Variants in MAGI1 observed in about 807,000 individuals in gnomAD.
MAGI1 encodes the protein membrane-associated guanylate kinase, WW and PDZ domain-containing protein 1.
Under a neutral mutation model 139.9 loss-of-function variants are expected in MAGI1, and 58 were observed. The observed-to-expected ratio is 0.41, with a 90% CI of 0.34 to 0.52. The LOEUF is 0.52. Ranked by LOEUF, MAGI1 falls within the 20% of genes least tolerant of loss-of-function variation. MAGI1 has a pLI of 0.12. For synonymous variants in MAGI1, 812 were observed against 737.9 expected (o/e 1.10, Z -1.63); for missense variants, 1,874 against 1,901.6 (o/e 0.99, Z 0.27).
At chr3:65,798,694 T>TC (rs894035264) in intron 1 of MAGI1, among the ~76,000 whole-genome samples, 1 of 152,012 alleles carries the variant, frequency 6.6e-6, no homozygotes, top group African/African-American at 2.4e-5. Context: ...GCTACAGTAG[T>TC]CCCCCCATTA....
In MAGI1 at chr3:65,356,831, C is replaced by T. The variant is rs1254910052; in HGVS notation, c.3936G>A (p.Ala1312=). 1.2e-6 allele frequency: 2 copies of T among 1,612,020 alleles called. No individual in the cohort carries two copies. The highest frequency in any genetic ancestry group is 1.7e-6 in the Non-Finnish European group (2 of 1,178,768). Residue 1312 remains alanine (A), a synonymous_variant, in exon 23 of 23, where the codon GCG becomes GCA. Transcript: ENST00000402939. The part of the protein sequence containing the change: ...EGRRDAQAER[A]AAANGPKRRS... ...GCCTCTTGGGGCCGTTGGCGGCTGC[C>T]GCGCGCTCGGCCTGCGCGTCCCTCC...
intron 5 of MAGI1, among the ~76,000 whole-genome samples, chr3:65,454,454 C>A (rs62255272): frequency 1.3e-4 from 19 of 150,190 alleles, no homozygotes; most frequent in Non-Finnish European, 2.7e-4. Context: ...GTGGGTGCAG[C>A]GCACCAGCAT....
At chr3:65,869,867 T>A (rs757429073) in intron 1 of MAGI1, among the ~76,000 whole-genome samples, 3 of 152,176 alleles carry the variant, frequency 2.0e-5, no homozygotes, top group African/African-American at 4.8e-5. Context: ...GCTTATTTCA[T>A]GAGAATGAGA....
intron 1 of MAGI1, among the ~76,000 whole-genome samples, chr3:65,800,605 T>A (rs1441473711): frequency 6.7e-6 from 1 of 149,704 alleles, no homozygotes; most frequent in Non-Finnish European, 1.5e-5. Context: ...AGATATGAAC[T>A]CCCACCATGG....
chr3:65,501,752 G>C (rs1404550), intron 2 of MAGI1, among the ~76,000 whole-genome samples: 131,123 of 152,200 alleles, frequency 0.86, 56,571 homozygotes, highest in East Asian at 0.97. Flanking sequence ...ACCCCATACA[G>C]AAATGTTTAG....
intron 1 of MAGI1, among the ~76,000 whole-genome samples, chr3:66,015,460 G>GA (rs969128396): frequency 6.3e-4 from 91 of 144,806 alleles, no homozygotes; most frequent in African/African-American, 1.2e-3. Context: ...TAACAGCAGT[G>GA]AAAAAAAAAA....
intron 3 of MAGI1, among the ~76,000 whole-genome samples, chr3:65,488,175 C>T (rs750386424): frequency 1.3e-5 from 2 of 152,102 alleles, no homozygotes; most frequent in Non-Finnish European, 2.9e-5. Flanking sequence ...ATGGCCCATG[C>T]TGATTACTAA....
At chr3:65,823,230 C>T (rs141407742) in intron 1 of MAGI1, among the ~76,000 whole-genome samples, 2 of 152,104 alleles carry the variant, frequency 1.3e-5, no homozygotes, top group East Asian at 3.9e-4. Flanking sequence ...AGCTAGTGGG[C>T]CTGGACAGAA....
intron 1 of MAGI1, among the ~76,000 whole-genome samples, chr3:65,758,200 A>C (rs1401034873): frequency 6.6e-6 from 1 of 152,192 alleles, no homozygotes; most frequent in Non-Finnish European, 1.5e-5. Context: ...CCTAGAATGG[A>C]GCTGTTGAGC....
chr3:65,440,028 A>G lies in MAGI1; in HGVS notation c.1137-16T>C. The stretch of plus-strand genomic sequence containing the variant: ...GTTGATGTGGCTGGGGAAGATAGCA[A>G]ATAGTATTCAGCTTGAAACAGTTCA... On this transcript the variant is annotated splice_polypyrimidine_tract_variant and intron_variant, in intron 8 of 22. Coordinates refer to ENST00000402939, the MANE Select transcript of MAGI1 (RefSeq NM_001033057.2). 6.2e-7 allele frequency: 1 copy of G among 1,613,850 alleles called. No individual in the cohort carries two copies. Among genetic ancestry groups the G allele is most frequent in the East Asian group, 2.2e-5 (1 of 44,872 alleles).
chr3:65,842,705 A>G (rs2108348111), intron 1 of MAGI1, among the ~76,000 whole-genome samples: 1 of 152,294 alleles, frequency 6.6e-6, no homozygotes, highest in Non-Finnish European at 1.5e-5. Flanking sequence ...GCTGAAACAA[A>G]TATTTGGACC....
At chr3:65,644,736 G>A (rs879748576) in intron 1 of MAGI1, among the ~76,000 whole-genome samples, 6 of 152,064 alleles carry the variant, frequency 3.9e-5, no homozygotes, top group African/African-American at 1.4e-4. Context: ...AGTGGCTCAC[G>A]CCTGTAATCC....
intron 1 of MAGI1, among the ~76,000 whole-genome samples, chr3:66,001,172 C>T (rs969060251): frequency 6.6e-6 from 1 of 151,886 alleles, no homozygotes; most frequent in African/African-American, 2.4e-5. Context: ...GATCTCAAGG[C>T]CATGGTATTT....
intron 1 of MAGI1, among the ~76,000 whole-genome samples, chr3:65,734,651 C>T (rs2034556039): frequency 6.6e-6 from 1 of 151,856 alleles, no homozygotes; most frequent in Non-Finnish European, 1.5e-5. Context: ...TCTATTTCAA[C>T]AGCATTGAAA....
chr3:66,037,955 C>T (rs2069035095), intron 1 of MAGI1, 41 bp downstream of exon 1: 5 of 1,519,992 alleles, frequency 3.3e-6, no homozygotes, highest in Non-Finnish European at 4.4e-6. Context: ...AGACCACCCT[C>T]CTTTTCTCGG....
At chr3:65,721,820 A>ATGTTT (rs570831249) in intron 1 of MAGI1, among the ~76,000 whole-genome samples, 45 of 149,014 alleles carry the variant, frequency 3.0e-4, no homozygotes, top group East Asian at 2.9e-3. Context: ...TTCTGTTTGT[A>ATGTTT]TGTTTTGTTT....
At chr3:65,869,064 G>A (rs1295713705) in intron 1 of MAGI1, among the ~76,000 whole-genome samples, 5 of 151,848 alleles carry the variant, frequency 3.3e-5, no homozygotes, top group South Asian at 2.1e-4. Flanking sequence ...TCAGGAGATC[G>A]AGACCACGGC....
chr3:65,383,488 C>A (rs774412140), intron 15 of MAGI1, 44 bp downstream of exon 15: 4 of 1,471,648 alleles, frequency 2.7e-6, no homozygotes, highest in Non-Finnish European at 3.8e-6. Flanking sequence ...TGCTTTGAAG[C>A]CTTAGAAAAA....
At chr3:65,456,876 T>C (rs1263910411) in intron 5 of MAGI1, among the ~76,000 whole-genome samples, 1 of 152,202 alleles carries the variant, frequency 6.6e-6, no homozygotes, top group Non-Finnish European at 1.5e-5. Flanking sequence ...TCTGTCCCAT[T>C]AGGTTATGAG....
Sources: allele counts gnomAD v4.1 joint callset (sites outside exome capture counted in the v4.1 genomes callset), GRCh38; gene constraint gnomAD v4.1.1; transcripts MANE v1.5; gene names NCBI Gene and HGNC (gene_info 2026-07-23, HGNC 2026-07-21).